TLE7: variants seen among roughly 807,000 people sequenced by gnomAD.
TLE7 encodes the protein transducin-like enhancer protein 7.
In TLE7 at chr16:71,431,516, C is replaced by T. The variant is rs936557115; in HGVS notation, c.898G>A (p.Gly300Ser). ...VYGSRCVDITGNIFWTGGEDT... is the reference protein window; with the variant it reads ...VYGSRCVDITSNIFWTGGEDT... ...TCACCTCCTGTCCAGAATATATTGC[C>T]GGTGATGTCCACACATCGGGACCCG... The change falls in exon 7 of 10, where the codon GGC becomes AGC. Residue 300 changes from glycine (G) to serine (S), a missense_variant. Transcript: ENST00000561754. The surrounding 1 kb of genome is among the most constrained non-coding windows in gnomAD (Gnocchi z 4.5). 5 of 400,784 alleles carry T rather than the reference C, an allele frequency of 1.2e-5. No individual in the cohort carries two copies. Among genetic ancestry groups the T allele is most frequent in the Middle Eastern group, 3.1e-4 (1 of 3,220 alleles). 24.8% of individuals were successfully genotyped at this position (400,784 alleles called of 1,614,324 possible). A position where few individuals can be genotyped will look rare whatever the true frequency, so the allele number is the denominator to read the frequency against.
At position 71,431,703 on chromosome 16, in the gene TLE7, G is replaced by A. The variant is rs142040186; in HGVS notation, c.851+58C>T. 4,900 of 400,504 alleles carry A rather than the reference G, an allele frequency of 0.012. 42 individuals carry two copies. The highest frequency in any genetic ancestry group is 0.044 in the Middle Eastern group (141 of 3,206). The allele number at this position is 400,504 out of a possible 1,614,324, so 24.8% of individuals were successfully genotyped here. ...AGCCCTAATGCAAAGAGGGGAAAGA[G>A]CCTCACTGGCAAGCCCTCCCCCAGG... On this transcript the variant is annotated intron_variant, in intron 6 of 9. Coordinates refer to ENST00000561754, the MANE Select transcript of TLE7 (RefSeq NM_001367365.2). The surrounding 1 kb of genome is among the most constrained non-coding windows in gnomAD (Gnocchi z 4.5).
chr16:71,439,619 T>C (rs2042839629), intron 1 of TLE7, among the ~76,000 whole-genome samples: 1 of 151,918 alleles, frequency 6.6e-6, no homozygotes, highest in Non-Finnish European at 1.5e-5. Context: ...AAAAAGACAC[T>C]CCACATCACC....
In TLE7 at chr16:71,430,202, C is replaced by T. The variant is rs1298800748; in HGVS notation, c.*60G>A. The stretch of plus-strand genomic sequence containing the variant: ...AGGTGTCCAGCACTCTGAAGCCATC[C>T]TCACAGCCACACCAGCCCAAAGACT... On this transcript the variant is annotated 3_prime_UTR_variant, in exon 10 of 10. Coordinates refer to ENST00000561754, the MANE Select transcript of TLE7 (RefSeq NM_001367365.2). 2.5e-6 allele frequency: 1 copy of T among 398,374 alleles called. No homozygotes were observed. Among genetic ancestry groups the T allele is most frequent in the Admixed American group, 4.4e-5 (1 of 22,706 alleles). 24.7% of individuals were successfully genotyped at this position (398,374 alleles called of 1,614,324 possible). A position where few individuals can be genotyped will look rare whatever the true frequency, so the allele number is the denominator to read the frequency against.
intron 1 of TLE7, among the ~76,000 whole-genome samples, chr16:71,436,865 A>G (rs2042828219): frequency 6.6e-6 from 1 of 152,198 alleles, no homozygotes; most frequent in Non-Finnish European, 1.5e-5. Flanking sequence ...TGGTTCTTAC[A>G]TTGGAGCACA....
Position 71,432,269 on chromosome 16 carries a change from C to A in TLE7, c.450G>T (p.Trp150Cys). 1 of 400,758 alleles carries A rather than the reference C, an allele frequency of 2.5e-6. No homozygotes were observed. Among genetic ancestry groups the A allele is most frequent in the Non-Finnish European group, 4.4e-6 (1 of 226,260 alleles). The allele number at this position is 400,758 out of a possible 1,614,324, so 24.8% of individuals were successfully genotyped here. A position where few individuals can be genotyped will look rare whatever the true frequency, so the allele number is the denominator to read the frequency against. ...TTCCATGGAAGAGTGTGCCAACCTT[C>A]CAGGAGCCCTGTGGGGCCCTCTTCT... is the stretch of plus-strand genomic sequence containing the variant. Reference protein sequence around the residue: ...VRQKRAPQGSWKVGTLFHGKR... With the variant: ...VRQKRAPQGSCKVGTLFHGKR... Residue 150 changes from tryptophan to cysteine, a missense_variant, in exon 5 of 10, where the codon TGG (tryptophan) becomes TGT (cysteine). Transcript: ENST00000561754.
At position 71,433,057 on chromosome 16, in the gene TLE7, G is replaced by A. The variant is rs778923370; in HGVS notation, c.268C>T (p.Leu90Phe). The A allele has an allele frequency of 5.0e-6, 2 of 398,728 alleles. No homozygotes were observed. The highest frequency in any genetic ancestry group is 8.8e-6 in the Non-Finnish European group (2 of 226,196). The allele number at this position is 398,728 out of a possible 1,614,324, so 24.7% of individuals were successfully genotyped here. A position where few individuals can be genotyped will look rare whatever the true frequency, so the allele number is the denominator to read the frequency against. Residue 90 changes from leucine (L) to phenylalanine (F), a missense_variant, in exon 2 of 10, where the codon CTC becomes TTC. Leu to Phe is a conservative substitution (Grantham distance 22). Coordinates refer to ENST00000561754, the MANE Select transcript of TLE7 (RefSeq NM_001367365.2). ...LGRSELQAAG[L>F]PDAQPGEAAE... ...GCTTCTCCTGGTTGTGCATCAGGGA[G>A]CCCAGCGGCCTGGAGCTCAGATCTA... is the stretch of plus-strand genomic sequence containing the variant.
chr16:71,431,729 T>C lies in TLE7; in HGVS notation c.851+32A>G. ...CCTCACTGGCAAGCCCTCCCCCAGG[T>C]ACACCTGAGTGGCTCTGGAGAGAGG... On this transcript the variant is annotated intron_variant, in intron 6 of 9. Coordinates refer to ENST00000561754, the MANE Select transcript of TLE7 (RefSeq NM_001367365.2). The surrounding 1 kb of genome is among the most constrained non-coding windows in gnomAD (Gnocchi z 4.5). 2 of 400,658 alleles carry C rather than the reference T, an allele frequency of 5.0e-6. No homozygotes were observed. The highest frequency in any genetic ancestry group is 7.1e-5 in the East Asian group (2 of 28,066). The allele number at this position is 400,658 out of a possible 1,614,324, so 24.8% of individuals were successfully genotyped here.
rs2042807518 is a variant in TLE7 at position 71,432,208 on chromosome 16, G to A, written c.511C>T (p.His171Tyr). Residue 171 changes from histidine to tyrosine, a missense_variant, in exon 5 of 10, where the codon CAC becomes TAC. Coordinates refer to ENST00000561754, the MANE Select transcript of TLE7 (RefSeq NM_001367365.2). ...CCAGAGCCACACGTGTACACGTGGT[G>A]GGTTGAGCCGCTGATGGCCACAGCG... ...VYAVAISGST[H>Y]HVYTCGSGYI... The A allele has an allele frequency of 2.5e-6, 1 of 400,726 alleles. No individual in the cohort carries two copies. Among genetic ancestry groups the A allele is most frequent in the African/African-American group, 2.1e-5 (1 of 48,708 alleles). The allele number at this position is 400,726 out of a possible 1,614,324, so 24.8% of individuals were successfully genotyped here. A position where few individuals can be genotyped will look rare whatever the true frequency, so the allele number is the denominator to read the frequency against.
chr16:71,432,777 A>T, intron 3 of TLE7, 54 bp from the exon 4 acceptor site: 1 of 398,618 alleles, frequency 2.5e-6, no homozygotes, highest in Non-Finnish European at 4.4e-6. Context: ...CTTCAGGGAG[A>T]AGCCTGCTCT....
At chr16:71,440,138 T>G (rs899588455) in intron 1 of TLE7, among the ~76,000 whole-genome samples, 1 of 152,180 alleles carries the variant, frequency 6.6e-6, no homozygotes, top group South Asian at 2.1e-4. Context: ...ACATGAAATA[T>G]CCACAAAAGG....
chr16:71,439,014 A>C (rs1328145780), intron 1 of TLE7, among the ~76,000 whole-genome samples: 1 of 152,190 alleles, frequency 6.6e-6, no homozygotes, highest in African/African-American at 2.4e-5. Flanking sequence ...CCCCTTCCCC[A>C]CCACCTTTCC....
intron 1 of TLE7, among the ~76,000 whole-genome samples, chr16:71,435,547 A>T (rs59375954): frequency 6.6e-6 from 1 of 152,198 alleles, no homozygotes; most frequent in African/African-American, 2.4e-5. Flanking sequence ...CTTTTATGTA[A>T]AAGAAAAATG....
chr16:71,431,320 G>A lies in TLE7; in HGVS notation c.994-46C>T, dbSNP rs142933044. ...GAGGTCAGCACTCAAAGTTGCCAAC[G>A]CCATCCTTTGTGCCCACCTCTCAAG... is the stretch of plus-strand genomic sequence containing the variant. On this transcript the variant is annotated intron_variant, in intron 7 of 9. Transcript: ENST00000561754. The surrounding 1 kb of genome is among the most constrained non-coding windows in gnomAD (Gnocchi z 4.5). The A allele has an allele frequency of 8.3e-5, 33 of 399,168 alleles. No individual in the cohort carries two copies. The East Asian group carries it at 1.2e-3, about 14-fold the overall frequency. The allele number at this position is 399,168 out of a possible 1,614,324, so 24.7% of individuals were successfully genotyped here.
chr16:71,440,473 G>A (rs958506055), intron 1 of TLE7, among the ~76,000 whole-genome samples: 31 of 133,276 alleles, frequency 2.3e-4, no homozygotes, highest in African/African-American at 8.9e-4. Flanking sequence ...GCGAGACTGC[G>A]CCTCAAAAGA....
chr16:71,436,312 C>T (rs1596986459), intron 1 of TLE7, among the ~76,000 whole-genome samples: 1 of 152,164 alleles, frequency 6.6e-6, no homozygotes, highest in African/African-American at 2.4e-5. Context: ...TGCTTTTAAA[C>T]GTGAGCCTAA....
intron 1 of TLE7, among the ~76,000 whole-genome samples, chr16:71,438,440 A>G (rs111630512): frequency 0.047 from 6,138 of 131,460 alleles, 469 homozygotes; most frequent in African/African-American, 0.17. Context: ...AAAAAAAAAA[A>G]AGAGAGAGAG....
Position 71,431,102 on chromosome 16 carries a change from C to A in TLE7, c.1147+19G>T. ...TTCAAAATCGGACACCCAGAGGTGTCACCTGGCTTCTCACTCACCACAGGA... is the reference window on the plus strand; with the variant it reads ...TTCAAAATCGGACACCCAGAGGTGTAACCTGGCTTCTCACTCACCACAGGA... On this transcript the variant is annotated intron_variant, in intron 8 of 9. Transcript: ENST00000561754. This position sits in a 1 kb window ranked among gnomAD's most constrained non-coding sequence, Gnocchi z 4.5. 1 of 400,740 alleles carries A rather than the reference C, an allele frequency of 2.5e-6. No individual in the cohort carries two copies. Among genetic ancestry groups the A allele is most frequent in the South Asian group, 1.3e-4 (1 of 7,908 alleles). The allele number at this position is 400,740 out of a possible 1,614,324, so 24.8% of individuals were successfully genotyped here.
In TLE7 at chr16:71,431,859, C is replaced by T. The variant is rs988841082; in HGVS notation, c.753G>A (p.Thr251=). 1 of 400,726 alleles carries T rather than the reference C, an allele frequency of 2.5e-6. No homozygotes were observed. The allele number at this position is 400,726 out of a possible 1,614,324, so 24.8% of individuals were successfully genotyped here. Residue 251 remains threonine, a synonymous_variant, in exon 6 of 10, where the codon ACG becomes ACA. Transcript: ENST00000561754. This position sits in a 1 kb window ranked among gnomAD's most constrained non-coding sequence, Gnocchi z 4.5. ...VRAQLTSTGP[T]CYSLAVSSDA... is the part of the protein sequence containing the mutation. ...CAGAGGAGACAGCCAGAGAATAGCA[C>T]GTGGGGCCCGTCGAGGTCAGCTGTG...
intron 1 of TLE7, among the ~76,000 whole-genome samples, chr16:71,440,832 G>A (rs1353157420): frequency 6.6e-6 from 1 of 152,176 alleles, no homozygotes; most frequent in Non-Finnish European, 1.5e-5. Flanking sequence ...GGGCTGACGC[G>A]CCCTCTGGCG....
Sources: gnomAD v4.1 joint callset for allele counts (sites outside exome capture counted in the v4.1 genomes callset) on GRCh38, gnomAD v4.1.1 for gene constraint, Gnocchi (gnomAD v3.1) non-coding constraint, MANE v1.5 for transcripts, NCBI Gene and HGNC (gene_info 2026-07-23, HGNC 2026-07-21) for gene names.